The following EYS variants were observed in gnomAD, a reference collection of about 807,000 sequenced individuals.
EYS encodes the protein protein eyes shut homolog.
In EYS, 250 loss-of-function variants were observed where a neutral mutation model predicts 282.1. The ratio of observed to expected loss-of-function variants is 0.89; its 90% CI spans 0.80 to 0.98. EYS has a LOEUF of 0.98. EYS is among the 50% of genes least tolerant of loss of function. The probability of loss-of-function intolerance (pLI) is 0.00; values close to 1 mark genes in which losing one functional copy is unlikely to be tolerated. For missense variants in EYS, 4,016 were observed against 3,709.0 expected (o/e 1.08, Z -2.15); for synonymous variants, 1,355 against 1,282.9 (o/e 1.06, Z -1.20).
intron 13 of EYS, among the ~76,000 whole-genome samples, chr6:65,050,529 CT>C (rs1215045095): frequency 3.3e-5 from 5 of 151,564 alleles, no homozygotes; most frequent in Admixed American, 3.3e-4. Context: ...ATTTAACTGA[CT>C]TTTGGTTAAT....
chr6:64,857,447 G>T (rs76659451), intron 19 of EYS, among the ~76,000 whole-genome samples: 2,608 of 152,194 alleles, frequency 0.017, 75 homozygotes, highest in African/African-American at 0.06. Flanking sequence ...TTAAAAAAAG[G>T]TTGAATAGTA....
Position 65,359,801 on chromosome 6 carries a change from A to G in EYS, c.1300-6184T>C, listed in dbSNP as rs1582184389. 4.6e-5 allele frequency among the ~76,000 whole-genome samples: 7 copies of G among 152,096 alleles called. No individual in the cohort carries two copies. The South Asian group carries it at 1.4e-3, about 31-fold the overall frequency. ...TACCACATATGTGAATTCATTGTTC[A>G]AATGGGTTCAAAAGCATTAACTCAT... On this transcript the variant is annotated intron_variant, in intron 8 of 42. Transcript: ENST00000503581.
intron 31 of EYS, among the ~76,000 whole-genome samples, chr6:64,085,310 CCA>C (rs1772107285): frequency 7.3e-6 from 1 of 136,854 alleles, no homozygotes; most frequent in Non-Finnish European, 1.5e-5. Flanking sequence ...CCTTCTCCTT[CCA>C]GACGCGCGCG....
At chr6:65,074,905 G>A (rs1024256092) in intron 12 of EYS, among the ~76,000 whole-genome samples, 1 of 151,960 alleles carries the variant, frequency 6.6e-6, no homozygotes, top group African/African-American at 2.4e-5. Context: ...GTTCACATAA[G>A]ATTACTCCAA....
At chr6:65,376,693 T>G (rs142911417) in intron 8 of EYS, among the ~76,000 whole-genome samples, 1 of 151,754 alleles carries the variant, frequency 6.6e-6, no homozygotes, top group Non-Finnish European at 1.5e-5. Context: ...TACCAACAAA[T>G]GGAAAGCAAA....
intron 15 of EYS, among the ~76,000 whole-genome samples, chr6:64,913,786 T>G (rs185060725): frequency 6.6e-6 from 1 of 152,266 alleles, no homozygotes; most frequent in East Asian, 1.9e-4. Context: ...AGTGGGATTT[T>G]TGGGTCAAAT....
chr6:63,775,868 C>T lies in EYS; in HGVS notation c.7898+2138G>A, dbSNP rs781111764. Among the ~76,000 whole-genome samples the T allele has an allele frequency of 1.2e-3, 181 of 152,214 alleles. 3 individuals are homozygous for T. Among genetic ancestry groups the T allele is most frequent in the African/African-American group, 3.8e-3 (159 of 41,548 alleles). ...TATAATTTACTTACCATAAAATTCACTTGTTTTAAGTTCAGGGATCTGTAA... is the reference window on the plus strand; with the variant it reads ...TATAATTTACTTACCATAAAATTCATTTGTTTTAAGTTCAGGGATCTGTAA... On this transcript the variant is annotated intron_variant, in intron 40 of 42. Coordinates refer to ENST00000503581, the MANE Select transcript of EYS (RefSeq NM_001142800.2).
intron 40 of EYS, among the ~76,000 whole-genome samples, chr6:63,777,378 T>G (rs955878019): frequency 6.6e-6 from 1 of 152,112 alleles, no homozygotes; most frequent in African/African-American, 2.4e-5. Context: ...AAATCTCTCT[T>G]TAGCTGTCTT....
At chr6:64,986,813 T>TAA (rs1175776590) in intron 14 of EYS, among the ~76,000 whole-genome samples, 2 of 151,266 alleles carry the variant, frequency 1.3e-5, no homozygotes, top group Non-Finnish European at 3.0e-5. Context: ...TATATATATA[T>TAA]AACTCAGACC....
chr6:64,640,442 T>A (rs9688370), intron 22 of EYS, among the ~76,000 whole-genome samples: 91,143 of 151,694 alleles, frequency 0.6, 27,551 homozygotes, highest in South Asian at 0.68. Flanking sequence ...AAATTGGAAA[T>A]ATCATTCTCA....
intron 30 of EYS, among the ~76,000 whole-genome samples, chr6:64,290,261 C>T (rs1296434977): frequency 4.6e-5 from 7 of 152,002 alleles, no homozygotes; most frequent in Non-Finnish European, 1.0e-4. Flanking sequence ...TGTGTTCTCC[C>T]CCCAATATAC....
intron 19 of EYS, among the ~76,000 whole-genome samples, chr6:64,846,537 A>G (rs1443977874): frequency 1.3e-5 from 2 of 152,086 alleles, no homozygotes; most frequent in African/African-American, 4.8e-5. Flanking sequence ...GTTTTATTGG[A>G]GCTGTGATAG....
intron 31 of EYS, among the ~76,000 whole-genome samples, chr6:64,212,790 T>TTGGG (rs1765819055): frequency 6.6e-6 from 1 of 152,108 alleles, no homozygotes; most frequent in African/African-American, 2.4e-5. Flanking sequence ...AATGATTCTA[T>TTGGG]TATAAAGACT....
intron 29 of EYS, among the ~76,000 whole-genome samples, chr6:64,327,217 A>G (rs1054189366): frequency 3.0e-4 from 45 of 152,102 alleles, no homozygotes; most frequent in African/African-American, 1.0e-3. Context: ...CCACAGCTGC[A>G]GCTAGCTGTG....
At chr6:64,933,028 C>T (rs1054901058) in intron 15 of EYS, among the ~76,000 whole-genome samples, 1 of 151,912 alleles carries the variant, frequency 6.6e-6, no homozygotes, top group Non-Finnish European at 1.5e-5. Flanking sequence ...AAAGTATGGG[C>T]CATGCACAGA....
chr6:65,256,239 G>T (rs1234119971), intron 12 of EYS, among the ~76,000 whole-genome samples: 1 of 150,610 alleles, frequency 6.6e-6, no homozygotes, highest in African/African-American at 2.4e-5. Flanking sequence ...AATGAAATAA[G>T]CCAGGAACAG....
At chr6:64,393,341 T>A (rs1028372711) in intron 28 of EYS, among the ~76,000 whole-genome samples, 3 of 152,178 alleles carry the variant, frequency 2.0e-5, no homozygotes, top group Non-Finnish European at 4.4e-5. Flanking sequence ...AAGAGAATTT[T>A]AGACCAATAT....
chr6:65,077,640 G>A (rs1332057929), intron 12 of EYS, among the ~76,000 whole-genome samples: 1 of 151,986 alleles, frequency 6.6e-6, no homozygotes, highest in Non-Finnish European at 1.5e-5. Context: ...TTATGGAAGA[G>A]GCTTGTTGAA....
At chr6:63,801,641 G>T (rs968906006) in intron 37 of EYS, among the ~76,000 whole-genome samples, 1 of 152,206 alleles carries the variant, frequency 6.6e-6, no homozygotes, top group Non-Finnish European at 1.5e-5. Flanking sequence ...GAAAGGAAGA[G>T]AAGCTAATGA....
Sources: gnomAD v4.1 joint callset for allele counts (sites outside exome capture counted in the v4.1 genomes callset) on GRCh38, gnomAD v4.1.1 for gene constraint, MANE v1.5 for transcripts, NCBI Gene and HGNC (gene_info 2026-07-23, HGNC 2026-07-21) for gene names.